The following AUTS2 variants were observed in gnomAD, a reference collection of about 807,000 sequenced individuals.
The protein encoded by AUTS2 is activator of transcription and developmental regulator AUTS2, also known as autism susceptibility gene 2 protein.
AUTS2 carries 17 observed loss-of-function variants against 112.4 expected under a neutral mutation model. That is an observed-to-expected ratio of 0.15 (90% confidence interval 0.10 to 0.23). The LOEUF is 0.23. Ranked by LOEUF, AUTS2 falls within the 10% of genes least tolerant of loss-of-function variation. The pLI, the probability that AUTS2 is intolerant of heterozygous loss-of-function variation, is 1.00. For synonymous variants in AUTS2, 751 were observed against 702.7 expected (o/e 1.07, Z -1.09); for missense variants, 1,510 against 1,701.6 (o/e 0.89, Z 1.98).
In AUTS2 at chr7:70,727,306, C is replaced by T. The variant is rs569999115; in HGVS notation, c.742+28686C>T. On this transcript the variant is annotated intron_variant, in intron 6 of 18. Transcript: ENST00000342771. Reference sequence around the variant, plus strand: ...CATAGCAAGCAAAAGGGACCACAGCCGTGTTTGTTAGAGCCCCAAATGCCT... The same window carrying T: ...CATAGCAAGCAAAAGGGACCACAGCTGTGTTTGTTAGAGCCCCAAATGCCT... 4.6e-5 allele frequency among the ~76,000 whole-genome samples: 7 copies of T among 152,146 alleles called. No homozygotes were observed. In the East Asian group the frequency reaches 5.8e-4, roughly 13 times the overall value.
At chr7:70,641,652 C>T (rs913286538) in intron 5 of AUTS2, among the ~76,000 whole-genome samples, 1 of 152,224 alleles carries the variant, frequency 6.6e-6, no homozygotes, top group Non-Finnish European at 1.5e-5. Flanking sequence ...AACACACTGT[C>T]ATCCTGGATC....
chr7:70,769,155 G>A (rs529707258), intron 10 of AUTS2, among the ~76,000 whole-genome samples: 4 of 152,164 alleles, frequency 2.6e-5, no homozygotes, highest in African/African-American at 4.8e-5. Context: ...TAGAAATAAC[G>A]TAAGATGAAA....
intron 6 of AUTS2, among the ~76,000 whole-genome samples, chr7:70,711,000 G>A (rs1271972664): frequency 2.0e-5 from 3 of 152,192 alleles, no homozygotes; most frequent in Non-Finnish European, 4.4e-5. Flanking sequence ...GTTGTAAAGA[G>A]GCAGCTTGAG....
chr7:70,539,099 C>G (rs548851712), intron 5 of AUTS2, among the ~76,000 whole-genome samples: 1 of 152,252 alleles, frequency 6.6e-6, no homozygotes, highest in East Asian at 1.9e-4. Flanking sequence ...ATTCCACGCC[C>G]CTGATGCTTT....
chr7:70,531,561 G>A (rs973406599), intron 5 of AUTS2, among the ~76,000 whole-genome samples: 3 of 152,134 alleles, frequency 2.0e-5, no homozygotes, highest in Non-Finnish European at 4.4e-5. Flanking sequence ...CATGTCATAT[G>A]GTGAGAGACG....
At chr7:70,740,266 G>A (rs776405877) in intron 6 of AUTS2, among the ~76,000 whole-genome samples, 1 of 152,188 alleles carries the variant, frequency 6.6e-6, no homozygotes, top group Non-Finnish European at 1.5e-5. Flanking sequence ...GCTTTTTACA[G>A]TCCTTCAGGT....
intron 5 of AUTS2, among the ~76,000 whole-genome samples, chr7:70,613,393 A>G (rs763197009): frequency 6.6e-6 from 1 of 152,126 alleles, no homozygotes; most frequent in Non-Finnish European, 1.5e-5. Context: ...TCGGAGTGTC[A>G]TAGTAGATTC....
chr7:70,590,683 A>G (rs1802901162), intron 5 of AUTS2, among the ~76,000 whole-genome samples: 1 of 152,164 alleles, frequency 6.6e-6, no homozygotes. Context: ...ACATGAACGT[A>G]TTATCTCCTT....
intron 2 of AUTS2, among the ~76,000 whole-genome samples, chr7:70,001,352 G>A (rs958868059): frequency 3.3e-5 from 5 of 151,968 alleles, no homozygotes; most frequent in South Asian, 2.1e-4. Context: ...TCTCGAACAC[G>A]TGAGCTCAAG....
intron 4 of AUTS2, among the ~76,000 whole-genome samples, chr7:70,329,613 A>G (rs181048181): frequency 3.5e-4 from 52 of 147,892 alleles, no homozygotes; most frequent in African/African-American, 7.8e-4. Flanking sequence ...TCATTTTTCA[A>G]TTTGGTTATT....
intron 5 of AUTS2, among the ~76,000 whole-genome samples, chr7:70,448,514 G>C (rs550087641): frequency 6.6e-6 from 1 of 152,208 alleles, no homozygotes; most frequent in African/African-American, 2.4e-5. Context: ...TAGGTCCAGG[G>C]GATTGACCTT....
At chr7:70,300,578 G>A (rs980433553) in intron 4 of AUTS2, among the ~76,000 whole-genome samples, 2 of 152,032 alleles carry the variant, frequency 1.3e-5, no homozygotes, top group Admixed American at 1.3e-4. Flanking sequence ...CCCTTTACTA[G>A]TACATGTTTG....
At chr7:70,562,508 G>A (rs189066873) in intron 5 of AUTS2, among the ~76,000 whole-genome samples, 3 of 152,336 alleles carry the variant, frequency 2.0e-5, no homozygotes, top group East Asian at 3.9e-4. Flanking sequence ...GTATTTGGAA[G>A]TGATCTTAGA....
chr7:69,602,066 G>A (rs868777529), intron 1 of AUTS2, among the ~76,000 whole-genome samples: 7,787 of 136,100 alleles, frequency 0.057, 366 homozygotes, highest in African/African-American at 0.11. Flanking sequence ...GTGTGTGTGT[G>A]TGTGTGTGTG....
At chr7:69,853,704 C>G (rs1363758451) in intron 1 of AUTS2, among the ~76,000 whole-genome samples, 2 of 152,092 alleles carry the variant, frequency 1.3e-5, no homozygotes, top group East Asian at 3.9e-4. Context: ...CCTGTTCTCT[C>G]TACCTTCAAG....
Position 70,228,399 on chromosome 7 carries a change from A to T in AUTS2, c.660+93828A>T, listed in dbSNP as rs1268098712. On this transcript the variant is annotated intron_variant, in intron 4 of 18. Coordinates refer to ENST00000342771, the MANE Select transcript of AUTS2 (RefSeq NM_015570.4). ...CCAGTCTAACAATCTCTTTTTTTTG[A>T]ATTTTAAATTTATTTATAGTTAATA... 1.9e-4 allele frequency among the ~76,000 whole-genome samples: 28 copies of T among 149,108 alleles called. 1 individual carries two copies. Among genetic ancestry groups the T allele is most frequent in the African/African-American group, 5.4e-4 (22 of 40,566 alleles).
At chr7:70,277,092 T>G (rs547114589) in intron 4 of AUTS2, among the ~76,000 whole-genome samples, 3 of 152,334 alleles carry the variant, frequency 2.0e-5, no homozygotes, top group African/African-American at 7.2e-5. Context: ...AGGCCAGTAG[T>G]TGAGAGCTTT....
At chr7:70,183,458 T>G (rs1809430208) in intron 4 of AUTS2, among the ~76,000 whole-genome samples, 1 of 152,240 alleles carries the variant, frequency 6.6e-6, no homozygotes, top group Non-Finnish European at 1.5e-5. Flanking sequence ...CCTGGACTTC[T>G]CTTGCCTGCC....
intron 1 of AUTS2, among the ~76,000 whole-genome samples, chr7:69,764,323 G>A (rs755665466): frequency 2.0e-5 from 3 of 151,822 alleles, no homozygotes; most frequent in Admixed American, 6.6e-5. Flanking sequence ...CCCCTGCCGT[G>A]CTCTGGAATT....
Sources: allele counts gnomAD v4.1 joint callset (sites outside exome capture counted in the v4.1 genomes callset), GRCh38; gene constraint gnomAD v4.1.1; transcripts MANE v1.5; gene names NCBI Gene and HGNC (gene_info 2026-07-23, HGNC 2026-07-21).